The following TTC9C variants were observed in gnomAD, a reference collection of about 807,000 sequenced individuals.
The protein encoded by TTC9C is tetratricopeptide repeat domain 9C, also known as tetratricopeptide repeat protein 9C.
In TTC9C, 15 loss-of-function variants were observed where a neutral mutation model predicts 22.5. The ratio of observed to expected loss-of-function variants is 0.67; its 90% CI spans 0.45 to 1.03. The LOEUF is 1.03. Ranked by LOEUF, TTC9C falls within the 50% of genes least tolerant of loss-of-function variation. The pLI, the probability that TTC9C is intolerant of heterozygous loss-of-function variation, is 0.00. For synonymous variants in TTC9C, 92 were observed against 86.8 expected (o/e 1.06, Z -0.33); for missense variants, 244 against 214.6 (o/e 1.14, Z -0.86).
chr11:62,731,598 C>T (rs1014851085), intron 1 of TTC9C, among the ~76,000 whole-genome samples: 1 of 152,008 alleles, frequency 6.6e-6, no homozygotes, highest in Non-Finnish European at 1.5e-5. Flanking sequence ...AAGACTCTGT[C>T]CCCCGATTCC....
rs1298036626 is a variant in TTC9C at position 62,729,000 on chromosome 11, A to G, written c.152A>G (p.Asn51Ser). 12 of 1,613,956 alleles carry G rather than the reference A, an allele frequency of 7.4e-6. No homozygotes were observed. The highest frequency in any genetic ancestry group is 9.3e-6 in the Non-Finnish European group (11 of 1,180,008). ...CCGAGTCTGCCCTCTCCGTTACCTA[A>G]TCTCGGACCTCAGGGCCCGGCCCTC... ...LDPSLPSPLP[N>S]LGPQGPALTP... Residue 51 changes from asparagine to serine, a missense_variant, in exon 1 of 3, where the codon AAT (asparagine) becomes AGT (serine). Physicochemically the swap from Asn to Ser is conservative, Grantham distance 46 (BLOSUM62 1). Transcript: ENST00000316461.
chr11:62,735,512 C>A lies in TTC9C; in HGVS notation c.369C>A (p.Asp123Glu), dbSNP rs1565172633. ...GAGTGGCCTTTTTCCATCTGCAGGA[C>A]TATGACCAGGCCCGCCACTACCTCC... ...RAGVAFFHLQ[D>E]YDQARHYLLA... Residue 123 changes from aspartate to glutamate, a missense_variant, in exon 2 of 3, where the codon GAC becomes GAA. By Grantham distance (45) the Asp-to-Glu change is conservative. Coordinates refer to ENST00000316461, the MANE Select transcript of TTC9C (RefSeq NM_173810.4). 38 of 1,613,714 alleles carry A rather than the reference C, an allele frequency of 2.4e-5. No individual in the cohort carries two copies. Among genetic ancestry groups the A allele is most frequent in the Non-Finnish European group, 3.2e-5 (38 of 1,179,784 alleles).
Position 62,735,509 on chromosome 11 carries a change from G to A in TTC9C, c.366G>A (p.Gln122=). Residue 122 remains glutamine (Q), a synonymous_variant, in exon 2 of 3, where the codon CAG becomes CAA. Coordinates refer to ENST00000316461, the MANE Select transcript of TTC9C (RefSeq NM_173810.4). ...YRAGVAFFHL[Q]DYDQARHYLL... ...CCGGAGTGGCCTTTTTCCATCTGCAGGACTATGACCAGGCCCGCCACTACC... is the reference window on the plus strand; with the variant it reads ...CCGGAGTGGCCTTTTTCCATCTGCAAGACTATGACCAGGCCCGCCACTACC... 2 of 1,614,016 alleles carry A rather than the reference G, an allele frequency of 1.2e-6. No individual in the cohort carries two copies. The highest frequency in any genetic ancestry group is 1.7e-6 in the Non-Finnish European group (2 of 1,179,972).
intron 1 of TTC9C, among the ~76,000 whole-genome samples, chr11:62,730,745 G>A (rs2083838907): frequency 6.6e-6 from 1 of 151,826 alleles, no homozygotes; most frequent in African/African-American, 2.4e-5. Flanking sequence ...TGCTAATTTT[G>A]TATTTTTAGT....
In TTC9C at chr11:62,735,548, G is replaced by A. The variant is rs376487549; in HGVS notation, c.405G>A (p.Val135=). 33 of 1,613,292 alleles carry A rather than the reference G, an allele frequency of 2.0e-5. No homozygotes were observed. In the African/African-American group the frequency reaches 2.4e-4, roughly 12 times the overall value. Reference sequence around the variant, plus strand: ...CCCGCCACTACCTCCTGGCTGCCGTGAATAGGCAGCCTAAAGGTAAGCAAG... The same window carrying A: ...CCCGCCACTACCTCCTGGCTGCCGTAAATAGGCAGCCTAAAGGTAAGCAAG... The part of the protein sequence containing the change: ...DQARHYLLAA[V]NRQPKDANVR... The change falls in exon 2 of 3, where the codon GTG becomes GTA. Residue 135 remains valine (V), a synonymous_variant. Transcript: ENST00000316461.
rs1285943702 is a variant in TTC9C at position 62,738,407 on chromosome 11, T to C, written c.*25T>C. 3 of 1,511,934 alleles carry C rather than the reference T, an allele frequency of 2.0e-6. No individual in the cohort carries two copies. The highest frequency in any genetic ancestry group is 2.7e-6 in the Non-Finnish European group (3 of 1,092,620). The allele number at this position is 1,511,934 out of a possible 1,614,324, so 93.7% of individuals were successfully genotyped here. On this transcript the variant is annotated 3_prime_UTR_variant, in exon 3 of 3. Transcript: ENST00000316461. ...ACAAAGAAGAAAGATGCTCCTCCAG[T>C]TGAACTTAGGTGGACCATTAAACAT...
chr11:62,733,019 A>G (rs181593847), intron 1 of TTC9C: 106 of 430,904 alleles, frequency 2.5e-4, no homozygotes, highest in Non-Finnish European at 3.5e-4. Context: ...TGTAGAAGGG[A>G]TACAGACATC....
At chr11:62,735,600 A>ATT (rs1378313521) in intron 2 of TTC9C, 36 bp downstream of exon 2, 1 of 1,568,442 alleles carries the variant, frequency 6.4e-7, no homozygotes, top group East Asian at 2.3e-5. Flanking sequence ...TAAAGACAAA[A>ATT]TTGTCTTGCT....
chr11:62,738,350 G>C lies in TTC9C; in HGVS notation c.484G>C (p.Glu162Gln). 1 of 1,612,960 alleles carries C rather than the reference G, an allele frequency of 6.2e-7. No homozygotes were observed. The highest frequency in any genetic ancestry group is 8.5e-7 in the Non-Finnish European group (1 of 1,179,368). ...QSELSSYHRK[E>Q]KQLYLGMFG ...AGAACTCAGCAGCTACCATAGAAAA[G>C]AGAAGCAGCTCTACCTGGGCATGTT... The change falls in exon 3 of 3, where the codon GAG (glutamate) becomes CAG (glutamine). Residue 162 changes from glutamate to glutamine, a missense_variant. Transcript: ENST00000316461.
At chr11:62,737,342 C>T (rs1322740068) in intron 2 of TTC9C, among the ~76,000 whole-genome samples, 1 of 152,162 alleles carries the variant, frequency 6.6e-6, no homozygotes, top group African/African-American at 2.4e-5. Flanking sequence ...TCCTTTAGCT[C>T]AGCTAACCCC....
At position 62,729,095 on chromosome 11, in the gene TTC9C, G is replaced by C. The variant is rs754380887; in HGVS notation, c.238+9G>C. 1 of 1,609,836 alleles carries C rather than the reference G, an allele frequency of 6.2e-7. No homozygotes were observed. ...CTATAACAATCTAGCTGGTAAGAAC[G>C]GGGCTAAAGGGTGGCTAGAGAGCAT... On this transcript the variant is annotated intron_variant, in intron 1 of 2. Transcript: ENST00000316461.
chr11:62,738,358 G>A lies in TTC9C; in HGVS notation c.492G>A (p.Gln164=). The stretch of plus-strand genomic sequence containing the variant: ...GCAGCTACCATAGAAAAGAGAAGCA[G>A]CTCTACCTGGGCATGTTTGGTTAAC... The part of the protein sequence containing the change: ...ELSSYHRKEK[Q]LYLGMFG The change falls in exon 3 of 3, where the codon CAG becomes CAA. Residue 164 remains glutamine, a synonymous_variant. Transcript: ENST00000316461. 1 of 1,612,396 alleles carries A rather than the reference G, an allele frequency of 6.2e-7. No homozygotes were observed. The highest frequency in any genetic ancestry group is 8.5e-7 in the Non-Finnish European group (1 of 1,178,980).
Position 62,728,514 on chromosome 11 carries a change from C to G in TTC9C, c.-335C>G, listed in dbSNP as rs772495001. 10 of 490,584 alleles carry G rather than the reference C, an allele frequency of 2.0e-5. No individual in the cohort carries two copies. The highest frequency in any genetic ancestry group is 1.5e-4 in the South Asian group (10 of 64,854). 30.4% of individuals were successfully genotyped at this position (490,584 alleles called of 1,614,324 possible). On this transcript the variant is annotated 5_prime_UTR_variant, in exon 1 of 3. Transcript: ENST00000316461. ...GTCCCAGGCGTTCTCACGCCCGCAA[C>G]AATTCCTGAGTAGGGCCTTGCTTGA... is the stretch of plus-strand genomic sequence containing the variant.
At chr11:62,733,080 G>A (rs2083871063) in intron 1 of TTC9C, 4 of 1,207,552 alleles carry the variant, frequency 3.3e-6, no homozygotes, top group Non-Finnish European at 4.4e-6. Context: ...ATCTTTCTCA[G>A]CACCATGATT....
intron 2 of TTC9C, among the ~76,000 whole-genome samples, chr11:62,736,488 A>G (rs999980955): frequency 1.4e-4 from 21 of 151,798 alleles, no homozygotes; most frequent in Admixed American, 5.9e-4. Flanking sequence ...AGGTCAGGAG[A>G]TCGAGACCAT....
chr11:62,730,529 C>T (rs2083836174), intron 1 of TTC9C, among the ~76,000 whole-genome samples: 1 of 152,214 alleles, frequency 6.6e-6, no homozygotes, highest in South Asian at 2.1e-4. Flanking sequence ...TCTCATCACA[C>T]TTAGAAGAAA....
In TTC9C at chr11:62,729,037, A is replaced by T. The variant is rs766968002; in HGVS notation, c.189A>T (p.Gln63His). The change falls in exon 1 of 3, where the codon CAA becomes CAT. Residue 63 changes from glutamine (Q) to histidine (H), a missense_variant. Gln to His is a conservative substitution (Grantham distance 24). Coordinates refer to ENST00000316461, the MANE Select transcript of TTC9C (RefSeq NM_173810.4). ...AGGGCCCGGCCCTCACGCCTGAACA[A>T]GAAAACATATTGCATACCACCCAGA... ...GPQGPALTPE[Q>H]ENILHTTQTD... 11 of 1,614,068 alleles carry T rather than the reference A, an allele frequency of 6.8e-6. No individual in the cohort carries two copies. In the East Asian group the frequency reaches 2.4e-4, roughly 36 times the overall value.
Position 62,728,949 on chromosome 11 carries a change from C to G in TTC9C, c.101C>G (p.Ala34Gly). Residue 34 changes from alanine to glycine, a missense_variant, in exon 1 of 3, where the codon GCT becomes GGT. Coordinates refer to ENST00000316461, the MANE Select transcript of TTC9C (RefSeq NM_173810.4). ...YRDAVSRYHR[A>G]LLQLRGLDPS... ...GATGCTGTGAGTAGGTACCATCGAG[C>G]TCTGCTTCAGCTGCGGGGTCTGGAT... is the stretch of plus-strand genomic sequence containing the variant. The G allele has an allele frequency of 6.2e-7, 1 of 1,614,160 alleles. No homozygotes were observed. Among genetic ancestry groups the G allele is most frequent in the Non-Finnish European group, 8.5e-7 (1 of 1,180,020 alleles).
At chr11:62,730,448 C>T (rs1387128397) in intron 1 of TTC9C, among the ~76,000 whole-genome samples, 2 of 152,296 alleles carry the variant, frequency 1.3e-5, no homozygotes, top group Admixed American at 6.5e-5. Flanking sequence ...CTTCACAAAA[C>T]TGCAAGGATT....
Sources: allele counts gnomAD v4.1 joint callset (sites outside exome capture counted in the v4.1 genomes callset), GRCh38; gene constraint gnomAD v4.1.1; transcripts MANE v1.5; gene names NCBI Gene and HGNC (gene_info 2026-07-23, HGNC 2026-07-21).